The following MDGA2 variants were observed in gnomAD, a reference collection of about 807,000 sequenced individuals.
The protein encoded by MDGA2 is MAM domain-containing glycosylphosphatidylinositol anchor protein 2.
Under a neutral mutation model 117.8 loss-of-function variants are expected in MDGA2, and 40 were observed. That is an observed-to-expected ratio of 0.34 (90% CI 0.26 to 0.44). The LOEUF (loss-of-function observed/expected upper bound fraction) is 0.44, where lower values mean the gene tolerates loss of function less well. MDGA2 is among the 20% of genes least tolerant of loss of function. The pLI is 1.00. For missense variants in MDGA2, 1,123 were observed against 1,250.6 expected (o/e 0.90, Z 1.54); for synonymous variants, 452 against 439.0 (o/e 1.03, Z -0.37).
chr14:47,345,799 AAC>A (rs1890750503), intron 1 of MDGA2, among the ~76,000 whole-genome samples: 1 of 152,134 alleles, frequency 6.6e-6, no homozygotes, highest in African/African-American at 2.4e-5. Context: ...TTTCATTATA[AAC>A]ACAAATACAT....
intron 1 of MDGA2, among the ~76,000 whole-genome samples, chr14:47,498,111 A>T (rs1012563309): frequency 6.6e-6 from 1 of 152,196 alleles, no homozygotes; most frequent in Non-Finnish European, 1.5e-5. Flanking sequence ...TAATCATCTA[A>T]CAGGCTCCAC....
At chr14:47,458,250 G>A (rs993109547) in intron 1 of MDGA2, among the ~76,000 whole-genome samples, 1 of 152,014 alleles carries the variant, frequency 6.6e-6, no homozygotes, top group African/African-American at 2.4e-5. Context: ...CACTTTGTTG[G>A]TTGTATCCCT....
intron 4 of MDGA2, among the ~76,000 whole-genome samples, chr14:47,140,152 A>C (rs1882656885): frequency 6.6e-6 from 1 of 152,024 alleles, no homozygotes; most frequent in African/African-American, 2.4e-5. Flanking sequence ...ATACAATTCA[A>C]ACCATCAAAC....
rs569096138 is a variant in MDGA2, at chr14:46,920,726, C to T, written c.2090-566G>A. Among the ~76,000 whole-genome samples, 4 of 152,192 alleles carry T rather than the reference C, an allele frequency of 2.6e-5. No individual in the cohort carries two copies. The South Asian group carries it at 8.3e-4, about 32-fold the overall frequency. On this transcript the variant is annotated intron_variant, in intron 9 of 16. Coordinates refer to ENST00000399232, the MANE Select transcript of MDGA2 (RefSeq NM_001113498.3). Reference sequence around the variant, plus strand: ...ACACCGATGCCTGAGAGGGAACAACCTAAATTTGGGGAAAACTAAAAATGT... The same window carrying T: ...ACACCGATGCCTGAGAGGGAACAACTTAAATTTGGGGAAAACTAAAAATGT...
intron 1 of MDGA2, among the ~76,000 whole-genome samples, chr14:47,447,155 T>G (rs2138561587): frequency 6.6e-6 from 1 of 152,290 alleles, no homozygotes; most frequent in East Asian, 1.9e-4. Flanking sequence ...ATCACCATTT[T>G]AGCAATAAAA....
At chr14:47,453,628 T>C (rs567638121) in intron 1 of MDGA2, among the ~76,000 whole-genome samples, 32 of 152,186 alleles carry the variant, frequency 2.1e-4, no homozygotes, top group Non-Finnish European at 3.1e-4. Flanking sequence ...ATGAGCCAAA[T>C]TGAAAAGTAC....
intron 1 of MDGA2, among the ~76,000 whole-genome samples, chr14:47,322,106 C>A (rs1889998169): frequency 6.6e-6 from 1 of 152,062 alleles, no homozygotes; most frequent in Admixed American, 6.6e-5. Flanking sequence ...CCCAGATATT[C>A]CATAGAAAAA....
intron 2 of MDGA2, 136 bp from the exon 3 acceptor site, chr14:47,218,331 T>C: frequency 1.3e-6 from 1 of 758,228 alleles, no homozygotes; most frequent in Non-Finnish European, 2.0e-6. Context: ...AAGAAAAAAT[T>C]AATGTTTACA....
intron 3 of MDGA2, among the ~76,000 whole-genome samples, chr14:47,176,783 A>G (rs1594697799): frequency 6.6e-6 from 1 of 152,202 alleles, no homozygotes; most frequent in Non-Finnish European, 1.5e-5. Flanking sequence ...ATGGCAACAA[A>G]AGCCAAAATT....
chr14:47,547,448 C>T (rs1308382662), intron 1 of MDGA2, among the ~76,000 whole-genome samples: 2 of 152,166 alleles, frequency 1.3e-5, no homozygotes, highest in African/African-American at 4.8e-5. Flanking sequence ...TCCTCATCTT[C>T]CTGTTTTCCT....
intron 2 of MDGA2, among the ~76,000 whole-genome samples, chr14:47,285,871 A>G (rs1292884081): frequency 6.6e-6 from 1 of 152,114 alleles, no homozygotes; most frequent in Non-Finnish European, 1.5e-5. Flanking sequence ...TAAAATACTA[A>G]ATTAACCAAA....
chr14:46,991,426 G>T (rs1186399927), intron 8 of MDGA2, among the ~76,000 whole-genome samples: 1 of 152,116 alleles, frequency 6.6e-6, no homozygotes, highest in Non-Finnish European at 1.5e-5. Flanking sequence ...AATACCAGCT[G>T]TCACTGGATA....
chr14:46,894,489 T>C (rs1386408272), intron 10 of MDGA2, among the ~76,000 whole-genome samples: 1 of 152,122 alleles, frequency 6.6e-6, no homozygotes, highest in Non-Finnish European at 1.5e-5. Flanking sequence ...CAGAGGAAGA[T>C]AACAAATCTA....
intron 8 of MDGA2, among the ~76,000 whole-genome samples, chr14:46,965,851 T>C (rs2138302843): frequency 6.6e-6 from 1 of 152,302 alleles, no homozygotes; most frequent in Non-Finnish European, 1.5e-5. Flanking sequence ...TTTTATGAAG[T>C]ATTCAACATG....
chr14:47,504,513 C>A (rs765320823), intron 1 of MDGA2, among the ~76,000 whole-genome samples: 1 of 151,824 alleles, frequency 6.6e-6, no homozygotes, highest in Admixed American at 6.6e-5. Context: ...TCCGAAGTCT[C>A]GAGAATGTCT....
At chr14:47,511,542 T>C (rs778056579) in intron 1 of MDGA2, among the ~76,000 whole-genome samples, 1 of 152,186 alleles carries the variant, frequency 6.6e-6, no homozygotes, top group Admixed American at 6.6e-5. Context: ...TGTTTTAAAG[T>C]TTCTTTTTGT....
chr14:47,136,103 A>G (rs532322244), intron 4 of MDGA2, among the ~76,000 whole-genome samples: 1 of 151,434 alleles, frequency 6.6e-6, no homozygotes, highest in African/African-American at 2.4e-5. Flanking sequence ...CTTGATTTCC[A>G]CCAACCCTAA....
intron 1 of MDGA2, among the ~76,000 whole-genome samples, chr14:47,649,821 A>G (rs1229991180): frequency 6.6e-6 from 1 of 152,166 alleles, no homozygotes; most frequent in African/African-American, 2.4e-5. Flanking sequence ...AATTTAGGGG[A>G]TGGTGATAAT....
chr14:46,963,512 AAC>A (rs1885893146), intron 8 of MDGA2, among the ~76,000 whole-genome samples: 1 of 152,216 alleles, frequency 6.6e-6, no homozygotes, highest in Non-Finnish European at 1.5e-5. Flanking sequence ...CTATGTCCCA[AAC>A]ACATAAGTTT....
Sources: gnomAD v4.1 joint callset for allele counts (sites outside exome capture counted in the v4.1 genomes callset) on GRCh38, gnomAD v4.1.1 for gene constraint, MANE v1.5 for transcripts, NCBI Gene and HGNC (gene_info 2026-07-23, HGNC 2026-07-21) for gene names.